The following ADCY10 variants were observed in gnomAD, a reference collection of about 807,000 sequenced individuals.
ADCY10 encodes the protein adenylate cyclase type 10.
A neutral mutation model predicts 183.3 loss-of-function variants in ADCY10; 156 were observed. That is an observed-to-expected ratio of 0.85 (90% CI 0.75 to 0.97). The LOEUF is 0.97. ADCY10 is among the 50% of genes least tolerant of loss of function. The probability of loss-of-function intolerance (pLI) is 0.00; values close to 1 mark genes in which losing one functional copy is unlikely to be tolerated. For synonymous variants in ADCY10, 645 were observed against 670.0 expected (o/e 0.96, Z 0.58); for missense variants, 1,745 against 1,934.3 (o/e 0.90, Z 1.84).
At chr1:167,858,328 T>C (rs567168060) in intron 16 of ADCY10, among the ~76,000 whole-genome samples, 3 of 151,808 alleles carry the variant, frequency 2.0e-5, no homozygotes, top group Admixed American at 6.6e-5. Flanking sequence ...TGAAACCCCA[T>C]TTCTACTAAA....
intron 9 of ADCY10, among the ~76,000 whole-genome samples, chr1:167,881,256 A>G (rs1406042780): frequency 6.6e-6 from 1 of 152,202 alleles, no homozygotes; most frequent in Non-Finnish European, 1.5e-5. Flanking sequence ...AAAACTTGGC[A>G]TTTGTAGTAT....
chr1:167,880,259 G>C, intron 10 of ADCY10, 68 bp from the exon 11 acceptor site: 1 of 1,400,960 alleles, frequency 7.1e-7, no homozygotes. Flanking sequence ...AAGTGGGAAG[G>C]GTGGGAAATA....
At chr1:167,867,467 A>G (rs1392354785) in intron 14 of ADCY10, among the ~76,000 whole-genome samples, 1 of 152,226 alleles carries the variant, frequency 6.6e-6, no homozygotes, top group Non-Finnish European at 1.5e-5. Context: ...AAAGATTGCT[A>G]CAGTCCTATT....
At chr1:167,889,951 G>C (rs1426175731) in intron 8 of ADCY10, among the ~76,000 whole-genome samples, 5 of 152,118 alleles carry the variant, frequency 3.3e-5, no homozygotes, top group African/African-American at 7.2e-5. Flanking sequence ...ATGGCTGAAA[G>C]TTTCTAAATT....
intron 21 of ADCY10, among the ~76,000 whole-genome samples, chr1:167,844,686 G>C (rs1558176490): frequency 6.6e-6 from 1 of 152,134 alleles, no homozygotes. Context: ...CACTGAGAAG[G>C]CACATGAAAT....
chr1:167,869,570 T>C (rs1666947578), intron 14 of ADCY10, among the ~76,000 whole-genome samples: 1 of 152,122 alleles, frequency 6.6e-6, no homozygotes, highest in African/African-American at 2.4e-5. Flanking sequence ...CTAAGCCTGG[T>C]AGTTAAAATT....
chr1:167,899,686 C>G, intron 5 of ADCY10, 58 bp from the exon 6 acceptor site: 2 of 1,556,928 alleles, frequency 1.3e-6, no homozygotes, highest in East Asian at 2.3e-5. Context: ...TTCCCAGCAG[C>G]ACAGGTTTTT....
chr1:167,851,426 A>G (rs1042235839), intron 18 of ADCY10, among the ~76,000 whole-genome samples: 3 of 152,080 alleles, frequency 2.0e-5, no homozygotes, highest in African/African-American at 7.2e-5. Flanking sequence ...GGCTCAAGCA[A>G]TCCGCCCGCC....
At chr1:167,822,967 CA>C (rs1295985926) in intron 29 of ADCY10, 40 bp downstream of exon 29, 1 of 1,568,910 alleles carries the variant, frequency 6.4e-7, no homozygotes, top group African/African-American at 1.4e-5. Flanking sequence ...GCACAGGTAT[CA>C]ACACCCCCAA....
At chr1:167,834,216 A>G in intron 23 of ADCY10, 139 bp from the exon 24 acceptor site, 1 of 712,278 alleles carries the variant, frequency 1.4e-6, no homozygotes, top group Non-Finnish European at 2.5e-6. Context: ...CCCCAGCTCC[A>G]CTGATTAAAA....
At chr1:167,851,382 T>C (rs1665474659) in intron 18 of ADCY10, among the ~76,000 whole-genome samples, 2 of 151,962 alleles carry the variant, frequency 1.3e-5, no homozygotes, top group South Asian at 4.2e-4. Flanking sequence ...AGATGGGGTT[T>C]TGTCATGTTG....
intron 23 of ADCY10, 98 bp from the exon 24 acceptor site, chr1:167,834,175 G>A: frequency 1.1e-6 from 1 of 901,312 alleles, no homozygotes; most frequent in Non-Finnish European, 1.8e-6. Context: ...AGAGATGCAG[G>A]AGCCATTTCA....
Position 167,824,575 on chromosome 1 carries a change from G to A in ADCY10, c.3956-3C>T. 6.2e-7 allele frequency: 1 copy of A among 1,614,148 alleles called. No homozygotes were observed. Among genetic ancestry groups the A allele is most frequent in the Non-Finnish European group, 8.5e-7 (1 of 1,180,010 alleles). ...CCACATCTGAAGGGCTCGGGAGCCT[G>A]GGAAGAAAACAATTCCAGTATATTG... On this transcript the variant is annotated splice_polypyrimidine_tract_variant and splice_region_variant and intron_variant, in intron 27 of 32. Transcript: ENST00000367851.
At chr1:167,899,937 C>G (rs1230587060) in intron 5 of ADCY10, among the ~76,000 whole-genome samples, 1 of 152,156 alleles carries the variant, frequency 6.6e-6, no homozygotes, top group Non-Finnish European at 1.5e-5. Context: ...TTAAGGGCAA[C>G]AGGGAATACC....
chr1:167,877,044 T>C (rs1467687943), intron 12 of ADCY10, among the ~76,000 whole-genome samples: 1 of 152,016 alleles, frequency 6.6e-6, no homozygotes, highest in Non-Finnish European at 1.5e-5. Context: ...CCAAGATCAA[T>C]TGAACCCCAC....
chr1:167,825,779 A>T (rs1236231207), intron 26 of ADCY10, among the ~76,000 whole-genome samples: 1 of 152,172 alleles, frequency 6.6e-6, no homozygotes, highest in African/African-American at 2.4e-5. Context: ...ACTGAGTGAG[A>T]CCCTTCTCAA....
intron 17 of ADCY10, among the ~76,000 whole-genome samples, chr1:167,855,649 G>A (rs576194796): frequency 5.3e-5 from 8 of 152,310 alleles, no homozygotes; most frequent in South Asian, 4.1e-4. Context: ...TTAAGAAGGC[G>A]TAACAGGGAG....
intron 21 of ADCY10, among the ~76,000 whole-genome samples, chr1:167,839,149 A>T (rs1466692452): frequency 6.6e-6 from 1 of 152,242 alleles, no homozygotes; most frequent in Non-Finnish European, 1.5e-5. Flanking sequence ...AAAAAGCATG[A>T]TTCAGATCTC....
At position 167,834,044 on chromosome 1, in the gene ADCY10, G is replaced by T. The variant is rs770043251; in HGVS notation, c.3343C>A (p.Leu1115Ile). The part of the protein sequence containing the change: ...YMYLNEGQKL[L>I]KTLKKDKSWS... ...GATTTGTCCTTCTTGAGAGTTTTTA[G>T]CAACTTCTGTCCTTCATTCAAATAC... Residue 1115 changes from leucine (L) to isoleucine (I), a missense_variant, in exon 24 of 33, where the codon CTA becomes ATA. Leu to Ile is a conservative substitution (Grantham distance 5, BLOSUM62 2). Transcript: ENST00000367851. The T allele has an allele frequency of 1.2e-6, 2 of 1,614,110 alleles. No individual in the cohort carries two copies. The highest frequency in any genetic ancestry group is 1.7e-5 in the Admixed American group (1 of 60,020).
Sources: allele counts gnomAD v4.1 joint callset (sites outside exome capture counted in the v4.1 genomes callset), GRCh38; gene constraint gnomAD v4.1.1; transcripts MANE v1.5; gene names NCBI Gene and HGNC (gene_info 2026-07-23, HGNC 2026-07-21).